Variants in CEP85L observed in about 807,000 individuals in gnomAD.
CEP85L encodes the protein centrosomal protein 85L.
A neutral mutation model predicts 100.3 loss-of-function variants in CEP85L; 60 were observed. The observed-to-expected ratio is 0.60, with a 90% confidence interval of 0.49 to 0.74. CEP85L has a LOEUF of 0.74. Ranked by LOEUF, CEP85L falls within the 30% of genes least tolerant of loss-of-function variation. The probability of loss-of-function intolerance (pLI) is 0.00; values close to 1 mark genes in which losing one functional copy is unlikely to be tolerated. For synonymous variants in CEP85L, 319 were observed against 322.7 expected, an observed-to-expected ratio of 0.99 and a Z score of 0.12; for missense variants, 973 against 936.2, an observed-to-expected ratio of 1.04 and a Z score of -0.51.
At chr6:118,471,252 G>A (rs1035901213) in intron 10 of CEP85L, among the ~76,000 whole-genome samples, 6 of 151,942 alleles carry the variant, frequency 3.9e-5, no homozygotes, top group Non-Finnish European at 8.8e-5. Flanking sequence ...TTGTGAGTAC[G>A]CCAAAGCAGC....
chr6:118,703,694 G>A (rs1022678853), intron 1 of CEP85L, among the ~76,000 whole-genome samples: 2 of 152,166 alleles, frequency 1.3e-5, no homozygotes, highest in Non-Finnish European at 2.9e-5. Context: ...TACTGCAAAC[G>A]CTTTATGAGC....
chr6:118,613,291 A>C (rs1327575779), intron 2 of CEP85L, among the ~76,000 whole-genome samples: 1 of 152,218 alleles, frequency 6.6e-6, no homozygotes, highest in African/African-American at 2.4e-5. Context: ...ACAAATAATA[A>C]GAGAATGTTA....
chr6:118,695,001 T>TAATGAA (rs1450764803), intron 1 of CEP85L, among the ~76,000 whole-genome samples: 1 of 152,208 alleles, frequency 6.6e-6, no homozygotes, highest in Admixed American at 6.5e-5. Context: ...ATTTTTATTG[T>TAATGAA]AGACATGGCA....
At chr6:118,647,114 T>A (rs1032336042) in intron 1 of CEP85L, 10 of 965,220 alleles carry the variant, frequency 1.0e-5, no homozygotes, top group African/African-American at 1.8e-5. Flanking sequence ...TTCCTAGAAG[T>A]CCATCTAATT....
intron 3 of CEP85L, among the ~76,000 whole-genome samples, chr6:118,551,343 T>C (rs1055874425): frequency 7.9e-5 from 12 of 151,692 alleles, no homozygotes; most frequent in South Asian, 2.1e-4. Flanking sequence ...AAAAAAAAGG[T>C]TGACTAACTC....
Position 118,523,862 on chromosome 6 carries a change from C to T in CEP85L, c.1079G>A (p.Trp360Ter). The T allele has an allele frequency of 6.8e-6, 11 of 1,609,906 alleles. No homozygotes were observed. Among genetic ancestry groups the T allele is most frequent in the Non-Finnish European group, 9.3e-6 (11 of 1,177,024 alleles). ...TTCTTTTATTTTCAACATTGATTCC[C>T]ACTTACTGAAATCCTGATAGCCAGG... ...YSPGYQDFSK[W>*]ESMLKIKEGL... The change falls in exon 4 of 13, where the codon TGG becomes TAG. Residue 360 changes from tryptophan (W) to a stop codon, truncating the protein, a stop_gained. Coordinates refer to ENST00000368491, the MANE Select transcript of CEP85L (RefSeq NM_001042475.3). LOFTEE classifies it high-confidence loss of function.
chr6:118,677,765 T>G (rs1025697356), intron 1 of CEP85L, among the ~76,000 whole-genome samples: 1 of 152,194 alleles, frequency 6.6e-6, no homozygotes, highest in African/African-American at 2.4e-5. Flanking sequence ...ACTAGGAGAC[T>G]TCCATGATTT....
At chr6:118,697,417 C>G (rs1461240326) in intron 1 of CEP85L, among the ~76,000 whole-genome samples, 2 of 152,172 alleles carry the variant, frequency 1.3e-5, no homozygotes, top group African/African-American at 4.8e-5. Flanking sequence ...TGTCCATCAG[C>G]ATTTCTCTCT....
chr6:118,566,457 G>A (rs1583063288), intron 2 of CEP85L, 141 bp from the exon 3 acceptor site: 2 of 749,670 alleles, frequency 2.7e-6, no homozygotes, highest in African/African-American at 1.8e-5. Context: ...TTAGCTTGTT[G>A]CCTAGGCTGG....
At chr6:118,529,764 A>C (rs781737575) in intron 3 of CEP85L, among the ~76,000 whole-genome samples, 2 of 152,146 alleles carry the variant, frequency 1.3e-5, no homozygotes, top group Non-Finnish European at 2.9e-5. Flanking sequence ...CTACTTTTAA[A>C]GTTCTAGATG....
chr6:118,624,420 C>T (rs558780188), intron 2 of CEP85L, among the ~76,000 whole-genome samples: 5 of 152,116 alleles, frequency 3.3e-5, no homozygotes, highest in African/African-American at 9.6e-5. Context: ...TTTCTACTAC[C>T]GCTCCACCTA....
chr6:118,605,530 TCAGATAACACAATGCAAAA>T (rs1238844013), intron 2 of CEP85L, among the ~76,000 whole-genome samples: 18 of 152,284 alleles, frequency 1.2e-4, no homozygotes, highest in African/African-American at 3.9e-4. Flanking sequence ...CTCAAAACTG[TCAGATAACACAATGCAAAA>T]CAGAACACAG....
chr6:118,623,486 A>C (rs1773582843), intron 2 of CEP85L, among the ~76,000 whole-genome samples: 1 of 152,174 alleles, frequency 6.6e-6, no homozygotes, highest in South Asian at 2.1e-4. Flanking sequence ...AGCTACAATA[A>C]CTCAAGGAAT....
chr6:118,478,274 C>A (rs1410231248), intron 10 of CEP85L, among the ~76,000 whole-genome samples: 2 of 151,926 alleles, frequency 1.3e-5, no homozygotes, highest in African/African-American at 4.8e-5. Context: ...CCAAAAATGA[C>A]CAAATACAAA....
chr6:118,523,453 A>G (rs2114785294), intron 4 of CEP85L, among the ~76,000 whole-genome samples: 1 of 152,328 alleles, frequency 6.6e-6, no homozygotes, highest in Non-Finnish European at 1.5e-5. Flanking sequence ...TAGCTTTCCA[A>G]CTGGATAGTT....
At chr6:118,652,742 G>T (rs1461456703), upstream of CEP85L, 3 of 1,545,362 alleles carry the variant, frequency 1.9e-6, no homozygotes, top group Non-Finnish European at 2.6e-6. Context: ...TTTACATTTA[G>T]TCTCCCTGTG....
rs1775422141 is a variant in CEP85L, at chr6:118,649,735, A to AT, written c.73+1461_73+1462insA. On this transcript the variant is annotated intron_variant, in intron 1 of 12. Coordinates refer to ENST00000368491, the MANE Select transcript of CEP85L (RefSeq NM_001042475.3). The stretch of plus-strand genomic sequence containing the variant: ...CCTTAGGACAAATAACATACAATTT[A>AT]GAAAAAAAAAATCCCTACTTAATAC... 4.0e-5 allele frequency among the ~76,000 whole-genome samples: 3 copies of AT among 74,096 alleles called. No homozygotes were observed. The East Asian group carries it at 6.7e-4, about 16-fold the overall frequency. The allele number at this position is 74,096 out of a possible 152,430, so 48.6% of individuals were successfully genotyped here.
intron 3 of CEP85L, among the ~76,000 whole-genome samples, chr6:118,561,382 T>A (rs1779213378): frequency 6.6e-6 from 1 of 152,170 alleles, no homozygotes; most frequent in Non-Finnish European, 1.5e-5. Context: ...AATTTTTTTG[T>A]TCTTCATTCT....
chr6:118,642,491 C>CT (rs763272898), intron 1 of CEP85L, among the ~76,000 whole-genome samples: 1 of 152,192 alleles, frequency 6.6e-6, no homozygotes, highest in Non-Finnish European at 1.5e-5. Context: ...GGGAATTAAA[C>CT]TTAAGCAGTC....
Sources: gnomAD v4.1 joint callset for allele counts (sites outside exome capture counted in the v4.1 genomes callset) on GRCh38, gnomAD v4.1.1 for gene constraint, MANE v1.5 for transcripts, NCBI Gene and HGNC (gene_info 2026-07-23, HGNC 2026-07-21) for gene names.